Variants in NPSR1 observed in about 807,000 individuals in gnomAD.
NPSR1 encodes neuropeptide S receptor.
NPSR1 carries 48 observed loss-of-function variants against 46.9 expected under a neutral mutation model. That is an observed-to-expected ratio of 1.02 (90% CI 0.81 to 1.30). The LOEUF is 1.30. Ranked by LOEUF, NPSR1 falls within the 50% of genes most tolerant of loss-of-function variation. The pLI, the probability that NPSR1 is intolerant of heterozygous loss-of-function variation, is 0.00. For missense variants in NPSR1, 450 were observed against 449.5 expected (o/e 1.00, Z -0.01); for synonymous variants, 176 against 168.1 (o/e 1.05, Z -0.36).
chr7:34,765,269 A>T (rs1786374721), intron 2 of NPSR1, among the ~76,000 whole-genome samples: 2 of 152,246 alleles, frequency 1.3e-5, no homozygotes, highest in Non-Finnish European at 2.9e-5. Flanking sequence ...AGACTCAAAA[A>T]GAAAATGCAA....
intron 3 of NPSR1, among the ~76,000 whole-genome samples, chr7:34,804,925 A>G (rs185824682): frequency 3.3e-5 from 5 of 152,146 alleles, no homozygotes; most frequent in Admixed American, 1.3e-4. Context: ...GAAATTAAAA[A>G]CACAATACCA....
chr7:34,688,737 C>A (rs998102600), intron 2 of NPSR1, among the ~76,000 whole-genome samples: 10 of 152,208 alleles, frequency 6.6e-5, no homozygotes, highest in Admixed American at 6.5e-4. Flanking sequence ...TTGAGCTACT[C>A]CTACATTCCC....
Position 34,849,896 on chromosome 7 carries a change from C to G in NPSR1, c.*241C>G. 7.8e-7 allele frequency: 1 copy of G among 1,283,478 alleles called. No homozygotes were observed. The allele number at this position is 1,283,478 out of a possible 1,614,324, so 79.5% of individuals were successfully genotyped here. A position where few individuals can be genotyped will look rare whatever the true frequency, so the allele number is the denominator to read the frequency against. ...CCTTCCTTCCCCACCATTCCCAGCC[C>G]TCCTTCCCACTGGCCAGCACCTGAA... On this transcript the variant is annotated 3_prime_UTR_variant, in exon 9 of 9. Transcript: ENST00000360581.
chr7:34,767,189 C>T (rs1013784034), intron 2 of NPSR1, among the ~76,000 whole-genome samples: 13 of 152,114 alleles, frequency 8.5e-5, no homozygotes, highest in African/African-American at 3.1e-4. Flanking sequence ...CAGTATTATA[C>T]CAATGTCAAT....
At chr7:34,683,034 G>T (rs1273495138) in intron 1 of NPSR1, among the ~76,000 whole-genome samples, 4 of 152,084 alleles carry the variant, frequency 2.6e-5, no homozygotes, top group Non-Finnish European at 5.9e-5. Context: ...CCACAGTTCT[G>T]CAGTTCCAAG....
At chr7:34,813,021 A>T (rs1368667276) in intron 4 of NPSR1, among the ~76,000 whole-genome samples, 3 of 152,316 alleles carry the variant, frequency 2.0e-5, no homozygotes, top group Non-Finnish European at 2.9e-5. Context: ...ACAGGGGTAT[A>T]AGTAAACACA....
At chr7:34,748,743 A>C (rs1416098447) in intron 2 of NPSR1, among the ~76,000 whole-genome samples, 1 of 152,046 alleles carries the variant, frequency 6.6e-6, no homozygotes, top group African/African-American at 2.4e-5. Flanking sequence ...AGCAGGTGGA[A>C]GAGGCTTTGC....
At chr7:34,862,105 T>C (rs1217112263) in intron 8 of NPSR1, among the ~76,000 whole-genome samples, 2 of 151,812 alleles carry the variant, frequency 1.3e-5, no homozygotes, top group Non-Finnish European at 2.9e-5. Context: ...TATTCACTTC[T>C]CTTGATGGTG....
chr7:34,793,277 AT>A (rs1788025217), intron 3 of NPSR1, among the ~76,000 whole-genome samples: 1 of 152,054 alleles, frequency 6.6e-6, no homozygotes, highest in African/African-American at 2.4e-5. Flanking sequence ...AGTTTACAGA[AT>A]GGGAGACTAT....
intron 2 of NPSR1, among the ~76,000 whole-genome samples, chr7:34,692,224 T>C (rs1396730948): frequency 6.6e-6 from 1 of 152,162 alleles, no homozygotes; most frequent in Non-Finnish European, 1.5e-5. Flanking sequence ...TTATAGAACA[T>C]TTCATTTAAT....
chr7:34,748,878 C>CCG (rs772010349), intron 2 of NPSR1, among the ~76,000 whole-genome samples: 6 of 151,970 alleles, frequency 3.9e-5, no homozygotes, highest in Non-Finnish European at 4.4e-5. Context: ...TTCATCTTCC[C>CCG]CCCAGTACCT....
intron 2 of NPSR1, chr7:34,751,723 G>A (rs28716279): frequency 0.17 from 276,235 of 1,583,856 alleles, 26,091 homozygotes; most frequent in East Asian, 0.32. Context: ...AGACTCCTTC[G>A]GGTCCCCCTG....
chr7:34,827,316 A>G (rs1272645665), intron 4 of NPSR1, 85 bp from the exon 5 acceptor site: 21 of 1,180,198 alleles, frequency 1.8e-5, no homozygotes, highest in Non-Finnish European at 2.2e-5. Context: ...GCTGCCCCAC[A>G]GTGATCCTTT....
At chr7:34,835,962 T>A (rs1004270656) in intron 6 of NPSR1, among the ~76,000 whole-genome samples, 16 of 152,220 alleles carry the variant, frequency 1.1e-4, no homozygotes, top group African/African-American at 3.9e-4. Context: ...GCATTTTTAA[T>A]GTTCAACCAG....
intron 1 of NPSR1, among the ~76,000 whole-genome samples, chr7:34,672,440 A>G (rs1192926132): frequency 6.6e-6 from 1 of 152,228 alleles, no homozygotes; most frequent in African/African-American, 2.4e-5. Context: ...ATTCACCAGT[A>G]ACCAGAAAAC....
chr7:34,677,098 T>G (rs545271163), intron 1 of NPSR1, among the ~76,000 whole-genome samples: 1 of 152,206 alleles, frequency 6.6e-6, no homozygotes, highest in Non-Finnish European at 1.5e-5. Flanking sequence ...CCAGGGTGAT[T>G]TGATATGCAG....
At chr7:34,864,255 G>A (rs1276959841) in intron 8 of NPSR1, among the ~76,000 whole-genome samples, 1 of 151,486 alleles carries the variant, frequency 6.6e-6, no homozygotes, top group East Asian at 1.9e-4. Flanking sequence ...ATAGCATTAG[G>A]AGAAACACCT....
chr7:34,777,711 G>A (rs1287983668), intron 2 of NPSR1, among the ~76,000 whole-genome samples: 3 of 152,062 alleles, frequency 2.0e-5, no homozygotes, highest in Admixed American at 2.0e-4. Context: ...TCTGGATTAC[G>A]TGATAAATTA....
At chr7:34,730,002 G>C (rs2128713143) in intron 2 of NPSR1, among the ~76,000 whole-genome samples, 1 of 152,320 alleles carries the variant, frequency 6.6e-6, no homozygotes, top group East Asian at 1.9e-4. Context: ...TGGAACTCTT[G>C]ACCTCAGGTG....
Sources: allele counts gnomAD v4.1 joint callset (sites outside exome capture counted in the v4.1 genomes callset), GRCh38; gene constraint gnomAD v4.1.1; transcripts MANE v1.5; gene names NCBI Gene and HGNC (gene_info 2026-07-23, HGNC 2026-07-21).